The following SLC12A1 variants were observed in gnomAD, a reference collection of about 807,000 sequenced individuals.
The protein encoded by SLC12A1 is solute carrier family 12 member 1.
A neutral mutation model predicts 130.4 loss-of-function variants in SLC12A1; 89 were observed. The ratio of observed to expected loss-of-function variants is 0.68; its 90% CI spans 0.58 to 0.81. The LOEUF (loss-of-function observed/expected upper bound fraction) is 0.81, where lower values mean the gene tolerates loss of function less well. Among genes scored for constraint, SLC12A1 ranks in the 40% least tolerant of loss-of-function variants. SLC12A1 has a pLI of 0.00. For missense variants in SLC12A1, 1,310 were observed against 1,336.4 expected (o/e 0.98, Z 0.31); for synonymous variants, 499 against 460.0 (o/e 1.08, Z -1.09).
intron 17 of SLC12A1, among the ~76,000 whole-genome samples, chr15:48,266,418 C>T (rs543019221): frequency 6.7e-6 from 1 of 149,660 alleles, no homozygotes; most frequent in South Asian, 2.1e-4. Flanking sequence ...GATCTGAGAC[C>T]TGTTTTGTCT....
chr15:48,250,167 A>G (rs950011295), intron 14 of SLC12A1, among the ~76,000 whole-genome samples: 3 of 152,178 alleles, frequency 2.0e-5, no homozygotes, highest in African/African-American at 7.2e-5. Flanking sequence ...TGTGGTTTAA[A>G]GCTGTTCAAA....
chr15:48,231,313 T>C (rs2041374458), intron 7 of SLC12A1, among the ~76,000 whole-genome samples: 1 of 152,168 alleles, frequency 6.6e-6, no homozygotes, highest in African/African-American at 2.4e-5. Flanking sequence ...CTATATATGG[T>C]CTATGAAGAG....
rs199909192 is a variant in SLC12A1, at chr15:48,260,259, C to CATA, written c.2154+974_2154+976dup. 7.9e-3 allele frequency among the ~76,000 whole-genome samples: 1,149 copies of CATA among 145,950 alleles called. 6 individuals carry two copies. Among genetic ancestry groups the CATA allele is most frequent in the African/African-American group, 0.015 (593 of 39,288 alleles). ...CAGCCTGGGCTACAGAGCAAGACTC[C>CATA]ATAATAATAATAATAATAATAATAA... is the stretch of plus-strand genomic sequence containing the variant. On this transcript the variant is annotated intron_variant, in intron 17 of 26. Transcript: ENST00000380993.
chr15:48,285,916 A>G (rs575549026), intron 21 of SLC12A1, among the ~76,000 whole-genome samples: 29 of 152,342 alleles, frequency 1.9e-4, no homozygotes, highest in Admixed American at 6.5e-4. Context: ...GAGTTTAATG[A>G]GGTCCACAGT....
At chr15:48,269,636 C>A (rs753069048) in intron 18 of SLC12A1, 22 bp from the exon 19 acceptor site, 1 of 1,392,458 alleles carries the variant, frequency 7.2e-7, no homozygotes. Context: ...GGATTGCCCA[C>A]ATTTTTATGT....
intron 20 of SLC12A1, among the ~76,000 whole-genome samples, chr15:48,284,563 C>T (rs1031639966): frequency 6.6e-6 from 1 of 152,222 alleles, no homozygotes; most frequent in African/African-American, 2.4e-5. Flanking sequence ...CTTCATGTAT[C>T]ATAACTTAAC....
chr15:48,270,711 G>T (rs897994578), intron 19 of SLC12A1, among the ~76,000 whole-genome samples: 1 of 7,304 alleles, frequency 1.4e-4, no homozygotes. Context: ...ACACACAATT[G>T]TGGAGTATAT....
chr15:48,301,506 G>GGGGA, intron 26 of SLC12A1, 124 bp downstream of exon 26: 2 of 546,562 alleles, frequency 3.7e-6, no homozygotes, highest in Non-Finnish European at 6.1e-6. Flanking sequence ...TTTTTTTGGG[G>GGGGA]GGGGGAACAC....
chr15:48,276,071 A>G (rs6493319), intron 20 of SLC12A1, among the ~76,000 whole-genome samples: 49,338 of 151,832 alleles, frequency 0.32, 10,265 homozygotes, highest in African/African-American at 0.58. Flanking sequence ...TTGCAGGTAC[A>G]AAGAGCAGCG....
intron 21 of SLC12A1, among the ~76,000 whole-genome samples, chr15:48,287,646 T>G (rs1362045939): frequency 6.6e-6 from 1 of 152,174 alleles, no homozygotes; most frequent in Non-Finnish European, 1.5e-5. Context: ...GTTAAGTAAA[T>G]ACAAAAATAT....
chr15:48,264,763 T>C lies in SLC12A1; in HGVS notation c.2155-2798T>C, dbSNP rs1033838349. 4.6e-5 allele frequency among the ~76,000 whole-genome samples: 7 copies of C among 152,206 alleles called. 1 individual carries two copies. In the South Asian group the frequency reaches 1.2e-3, roughly 27 times the overall value. On this transcript the variant is annotated intron_variant, in intron 17 of 26. Transcript: ENST00000380993. ...AAAAGAAAAAAGTTGGAAGGAATACTGCACTTGGTGAATTCCTCTGTTTGA... is the reference window on the plus strand; with the variant it reads ...AAAAGAAAAAAGTTGGAAGGAATACCGCACTTGGTGAATTCCTCTGTTTGA...
chr15:48,219,883 T>C (rs918765357), intron 2 of SLC12A1, among the ~76,000 whole-genome samples: 1 of 151,830 alleles, frequency 6.6e-6, no homozygotes, highest in Non-Finnish European at 1.5e-5. Flanking sequence ...CAAAAGTCTG[T>C]CTCTACAAAA....
chr15:48,249,609 C>T lies in SLC12A1; in HGVS notation c.1719C>T (p.Asn573=). The change falls in exon 14 of 27, where the codon AAC becomes AAT. Residue 573 remains asparagine (N), a synonymous_variant. Coordinates refer to ENST00000380993, the MANE Select transcript of SLC12A1 (RefSeq NM_000338.3). ...ELNTIAPIIS[N]FFLASYALIN... ...ACACCATTGCTCCCATCATCTCCAA[C>T]TTTTTCCTGGCCTCATATGCACTTA... 6.2e-7 allele frequency: 1 copy of T among 1,613,972 alleles called. No homozygotes were observed.
rs11318362 is a variant in SLC12A1 at position 48,287,363 on chromosome 15, GTT to G, written c.2630-669_2630-668del. 4.5e-3 allele frequency among the ~76,000 whole-genome samples: 654 copies of G among 146,116 alleles called. 8 individuals are homozygous for G. In the Middle Eastern group the frequency reaches 0.047, roughly 11 times the overall value. ...GTTTTGTATTTCCATATTTTCTAAGGTTTTTTTTTTTTCATCTAATTCACAAA... is the reference window on the plus strand; with the variant it reads ...GTTTTGTATTTCCATATTTTCTAAGGTTTTTTTTTTCATCTAATTCACAAA... On this transcript the variant is annotated intron_variant, in intron 21 of 26. Coordinates refer to ENST00000380993, the MANE Select transcript of SLC12A1 (RefSeq NM_000338.3).
At position 48,302,926 on chromosome 15, in the gene SLC12A1, A is replaced by G. The variant is rs1942242075; in HGVS notation, c.*41A>G. 2 of 1,441,816 alleles carry G rather than the reference A, an allele frequency of 1.4e-6. No homozygotes were observed. The highest frequency in any genetic ancestry group is 1.2e-5 in the South Asian group (1 of 84,434). The allele number at this position is 1,441,816 out of a possible 1,614,324, so 89.3% of individuals were successfully genotyped here. On this transcript the variant is annotated 3_prime_UTR_variant, in exon 27 of 27. Coordinates refer to ENST00000380993, the MANE Select transcript of SLC12A1 (RefSeq NM_000338.3). ...AATACATTTTAACTTAATGTAATGCATAATTAAGAAACATGTTCCAGTACT... is the reference window on the plus strand; with the variant it reads ...AATACATTTTAACTTAATGTAATGCGTAATTAAGAAACATGTTCCAGTACT...
At chr15:48,258,006 T>A (rs1419355033) in intron 16 of SLC12A1, among the ~76,000 whole-genome samples, 5 of 152,186 alleles carry the variant, frequency 3.3e-5, no homozygotes, top group Admixed American at 6.5e-5. Context: ...CTCTCTCAAG[T>A]TCAAAGTTTC....
At chr15:48,216,572 A>G (rs2041124286) in intron 2 of SLC12A1, among the ~76,000 whole-genome samples, 2 of 152,164 alleles carry the variant, frequency 1.3e-5, no homozygotes, top group African/African-American at 4.8e-5. Flanking sequence ...GGGATCCCCA[A>G]TTAATCTACA....
At chr15:48,260,821 T>C (rs2041766900) in intron 17 of SLC12A1, among the ~76,000 whole-genome samples, 3 of 152,182 alleles carry the variant, frequency 2.0e-5, no homozygotes, top group Admixed American at 2.0e-4. Context: ...ATTTACCACA[T>C]GTCATCATGA....
intron 10 of SLC12A1, 26 bp from the exon 11 acceptor site, chr15:48,244,727 A>T (rs1262236402): frequency 3.7e-6 from 6 of 1,613,122 alleles, no homozygotes; most frequent in South Asian, 1.1e-5. Context: ...TTATAAAGAA[A>T]TAACAAGCCA....
Sources: gnomAD v4.1 joint callset for allele counts (sites outside exome capture counted in the v4.1 genomes callset) on GRCh38, gnomAD v4.1.1 for gene constraint, MANE v1.5 for transcripts, NCBI Gene and HGNC (gene_info 2026-07-23, HGNC 2026-07-21) for gene names.